The following ZNF224 variants were observed in gnomAD, a reference collection of about 807,000 sequenced individuals.
ZNF224 encodes the protein bone marrow zinc finger 2.
ZNF224 carries 8 observed loss-of-function variants against 10.5 expected under a neutral mutation model. The observed-to-expected ratio is 0.76, with a 90% CI of 0.45 to 1.37. The LOEUF is 1.37. Ranked by LOEUF, ZNF224 falls within the 40% of genes most tolerant of loss-of-function variation. ZNF224 has a pLI of 0.00. For synonymous variants in ZNF224, 282 were observed against 287.8 expected, an observed-to-expected ratio of 0.98 and a Z score of 0.20; for missense variants, 754 against 854.0, an observed-to-expected ratio of 0.88 and a Z score of 1.46.
In ZNF224 at chr19:44,107,522, A is replaced by C; in HGVS notation, c.1362A>C (p.Lys454Asn). Residue 454 changes from lysine to asparagine, a missense_variant, in exon 6 of 6, where the codon AAA becomes AAC. Transcript: ENST00000693561. ...DFHQRVHTGE[K>N]LYNCKECGKS... Reference sequence around the variant, plus strand: ...ACCAGCGCGTCCATACAGGAGAGAAACTGTATAATTGTAAGGAATGTGGGA... The same window carrying C: ...ACCAGCGCGTCCATACAGGAGAGAACCTGTATAATTGTAAGGAATGTGGGA... 1 of 1,610,134 alleles carries C rather than the reference A, an allele frequency of 6.2e-7. No homozygotes were observed. The highest frequency in any genetic ancestry group is 8.5e-7 in the Non-Finnish European group (1 of 1,178,468).
At position 44,094,508 on chromosome 19, in the gene ZNF224, AG is replaced by A. The variant is rs1967399108; in HGVS notation, c.-176del. ...GAACTGGTGATCGAATTAGGGGAAA[AG>A]GGGCCTCGTCGGAGAGTAGAGGTTT... On this transcript the variant is annotated 5_prime_UTR_variant, in exon 1 of 6. Coordinates refer to ENST00000693561, the MANE Select transcript of ZNF224 (RefSeq NM_001321645.3). 6.6e-6 allele frequency: 1 copy of A among 152,360 alleles called. No individual in the cohort carries two copies. The highest frequency in any genetic ancestry group is 2.4e-5 in the African/African-American group (1 of 41,416). 9.4% of individuals were successfully genotyped at this position (152,360 alleles called of 1,614,324 possible).
At position 44,108,879 on chromosome 19, in the gene ZNF224, C is replaced by A; in HGVS notation, c.*595C>A. 3.1e-6 allele frequency: 1 copy of A among 321,252 alleles called. No homozygotes were observed. The highest frequency in any genetic ancestry group is 2.5e-5 in the South Asian group (1 of 40,124). 19.9% of individuals were successfully genotyped at this position (321,252 alleles called of 1,614,324 possible). On this transcript the variant is annotated 3_prime_UTR_variant, in exon 6 of 6. Coordinates refer to ENST00000693561, the MANE Select transcript of ZNF224 (RefSeq NM_001321645.3). ...CATGAGTTGAAATGCAGAGTAAACTCAGTACTGCAATCCATAGCAATATTT... is the reference window on the plus strand; with the variant it reads ...CATGAGTTGAAATGCAGAGTAAACTAAGTACTGCAATCCATAGCAATATTT...
In ZNF224 at chr19:44,107,992, G is replaced by A. The variant is rs771464837; in HGVS notation, c.1832G>A (p.Arg611His). ...CGKGFSWSST[R>H]LTHQRRHSRE... ...AAGGGCTTCAGCTGGTCCTCAACTC[G>A]TCTGACCCATCAGAGACGCCACAGC... The change falls in exon 6 of 6, where the codon CGT becomes CAT. Residue 611 changes from arginine (R) to histidine (H), a missense_variant. Physicochemically the swap from Arg to His is conservative, Grantham distance 29. Transcript: ENST00000693561. The A allele has an allele frequency of 5.0e-6, 8 of 1,614,048 alleles. No homozygotes were observed. Among genetic ancestry groups the A allele is most frequent in the Admixed American group, 3.3e-5 (2 of 60,024 alleles).
At chr19:44,095,596 G>A (rs1286216174) in intron 1 of ZNF224, 1 of 152,186 alleles carries the variant, frequency 6.6e-6, no homozygotes, top group Non-Finnish European at 1.5e-5. Context: ...ATAGAACCAT[G>A]TCATTGTACA....
chr19:44,108,066 A>G lies in ZNF224; in HGVS notation c.1906A>G (p.Asn636Asp), dbSNP rs1252524881. 3.7e-6 allele frequency: 6 copies of G among 1,612,144 alleles called. No individual in the cohort carries two copies. The highest frequency in any genetic ancestry group is 4.2e-6 in the Non-Finnish European group (5 of 1,178,586). The change falls in exon 6 of 6, where the codon AAT becomes GAT. Residue 636 changes from asparagine to aspartate, a missense_variant. By Grantham distance (23) the Asn-to-Asp change is conservative. Coordinates refer to ENST00000693561, the MANE Select transcript of ZNF224 (RefSeq NM_001321645.3). The stretch of plus-strand genomic sequence containing the variant: ...GCAGCATGGGAAGAACATTGTACAG[A>G]ATTCATTCTCTAAAGTGCAAGAAAA... ...CEQHGKNIVQ[N>D]SFSKVQEKVH...
chr19:44,106,324 C>G (rs1450658085), intron 5 of ZNF224, 72 bp from the exon 6 acceptor site: 1 of 1,501,156 alleles, frequency 6.7e-7, no homozygotes, highest in African/African-American at 1.4e-5. Context: ...CCTGCCATGG[C>G]CTAAGTGAAA....
In ZNF224 at chr19:44,107,076, C is replaced by A. The variant is rs1967688112; in HGVS notation, c.916C>A (p.His306Asn). 6.2e-7 allele frequency: 1 copy of A among 1,600,860 alleles called. No individual in the cohort carries two copies. The highest frequency in any genetic ancestry group is 8.5e-7 in the Non-Finnish European group (1 of 1,172,916). ...CTGTGGTAGATCAAGACTTAATAGG[C>A]ATTCCATGGTTCACACGGCAGAGAA... ...SFCGRSRLNR[H>N]SMVHTAEKPF... The change falls in exon 6 of 6, where the codon CAT becomes AAT. Residue 306 changes from histidine to asparagine, a missense_variant. Coordinates refer to ENST00000693561, the MANE Select transcript of ZNF224 (RefSeq NM_001321645.3).
chr19:44,098,132 ACTT>A (rs1161962930), intron 3 of ZNF224, among the ~76,000 whole-genome samples: 1 of 152,184 alleles, frequency 6.6e-6, no homozygotes, highest in Non-Finnish European at 1.5e-5. Flanking sequence ...TCATTATACT[ACTT>A]CTCTGCTCAC....
intron 5 of ZNF224, 51 bp downstream of exon 5, chr19:44,101,276 C>T: frequency 6.4e-7 from 1 of 1,567,684 alleles, no homozygotes; most frequent in Non-Finnish European, 8.8e-7. Context: ...ACCTGTTTCA[C>T]TTCTGTCCAT....
intron 1 of ZNF224, 82 bp from the exon 2 acceptor site, chr19:44,096,261 G>T (rs1445713567): frequency 1.3e-5 from 2 of 152,068 alleles, no homozygotes; most frequent in Non-Finnish European, 2.9e-5. Context: ...TGCAAAAGTA[G>T]CCTAAGAAAT....
At chr19:44,099,746 G>A (rs1056127574) in intron 3 of ZNF224, among the ~76,000 whole-genome samples, 1 of 151,946 alleles carries the variant, frequency 6.6e-6, no homozygotes, top group Non-Finnish European at 1.5e-5. Flanking sequence ...AAAGTAATGG[G>A]AAAATTGATA....
chr19:44,108,777 G>C lies in ZNF224; in HGVS notation c.*493G>C, dbSNP rs1180147524. The stretch of plus-strand genomic sequence containing the variant: ...TACTTGTTTGTTAAATCAATGAAAG[G>C]ATAAAACATATGTATGGATTTGGAT... On this transcript the variant is annotated 3_prime_UTR_variant, in exon 6 of 6. Coordinates refer to ENST00000693561, the MANE Select transcript of ZNF224 (RefSeq NM_001321645.3). The C allele has an allele frequency of 2.0e-6, 1 of 508,668 alleles. No homozygotes were observed. Among genetic ancestry groups the C allele is most frequent in the Non-Finnish European group, 4.0e-6 (1 of 252,304 alleles). 31.5% of individuals were successfully genotyped at this position (508,668 alleles called of 1,614,324 possible). A position where few individuals can be genotyped will look rare whatever the true frequency, so the allele number is the denominator to read the frequency against.
chr19:44,107,750 C>T lies in ZNF224; in HGVS notation c.1590C>T (p.His530=). Residue 530 remains histidine, a synonymous_variant, in exon 6 of 6, where the codon CAC becomes CAT. Transcript: ENST00000693561. ...GYNSKFNLDM[H]QKVHTGERPY... ...ATAGTAAGTTTAATCTTGATATGCA[C>T]CAGAAGGTCCACACAGGAGAGAGAC... 1 of 1,609,492 alleles carries T rather than the reference C, an allele frequency of 6.2e-7. No individual in the cohort carries two copies. The highest frequency in any genetic ancestry group is 8.5e-7 in the Non-Finnish European group (1 of 1,178,616).
In ZNF224 at chr19:44,106,625, A is replaced by G. The variant is rs138197368; in HGVS notation, c.465A>G (p.Pro155=). 2 of 1,599,086 alleles carry G rather than the reference A, an allele frequency of 1.3e-6. No homozygotes were observed. Among genetic ancestry groups the G allele is most frequent in the African/African-American group, 1.3e-5 (1 of 74,612 alleles). ...CTTCCCAGGGCAATGGATATAAACC[A>G]TCCTTCAGTGATGTCTCCCACTTTG... The part of the protein sequence containing the change: ...QKSSQGNGYK[P]SFSDVSHFDF... Residue 155 remains proline, a synonymous_variant, in exon 6 of 6, where the codon CCA becomes CCG. Transcript: ENST00000693561.
chr19:44,097,259 T>C (rs752240911), intron 2 of ZNF224, among the ~76,000 whole-genome samples: 97 of 152,330 alleles, frequency 6.4e-4, no homozygotes, highest in Non-Finnish European at 1.1e-3. Flanking sequence ...TTAACAATTA[T>C]TTTTTCCAAC....
At position 44,107,222 on chromosome 19, in the gene ZNF224, T is replaced by C; in HGVS notation, c.1062T>C (p.Ile354=). Reference sequence around the variant, plus strand: ...GTGAGGAGTGTGGAAAAGGCTTTATTTGTAGGCGAGATCTTTATACGCATC... The same window carrying C: ...GTGAGGAGTGTGGAAAAGGCTTTATCTGTAGGCGAGATCTTTATACGCATC... The part of the protein sequence containing the change: ...YKCEECGKGF[I]CRRDLYTHHM... The change falls in exon 6 of 6, where the codon ATT becomes ATC. Residue 354 remains isoleucine (I), a synonymous_variant. Coordinates refer to ENST00000693561, the MANE Select transcript of ZNF224 (RefSeq NM_001321645.3). 6.2e-7 allele frequency: 1 copy of C among 1,601,596 alleles called. No homozygotes were observed. The highest frequency in any genetic ancestry group is 8.5e-7 in the Non-Finnish European group (1 of 1,173,584).
chr19:44,108,598 A>G lies in ZNF224; in HGVS notation c.*314A>G, dbSNP rs1234830576. 2.2e-6 allele frequency: 1 copy of G among 457,348 alleles called. No individual in the cohort carries two copies. The highest frequency in any genetic ancestry group is 2.0e-5 in the African/African-American group (1 of 50,774). 28.3% of individuals were successfully genotyped at this position (457,348 alleles called of 1,614,324 possible). A position where few individuals can be genotyped will look rare whatever the true frequency, so the allele number is the denominator to read the frequency against. ...AGTTTGATAATTACAGCTATCATTC[A>G]GGAGACAGGCCTTAGAAAGAGTAAG... On this transcript the variant is annotated 3_prime_UTR_variant, in exon 6 of 6. Coordinates refer to ENST00000693561, the MANE Select transcript of ZNF224 (RefSeq NM_001321645.3).
At position 44,106,578 on chromosome 19, in the gene ZNF224, G is replaced by C. The variant is rs1348436133; in HGVS notation, c.418G>C (p.Val140Leu). The change falls in exon 6 of 6, where the codon GTA (valine) becomes CTA (leucine). Residue 140 changes from valine to leucine, a missense_variant. Transcript: ENST00000693561. ...FPCQTEAGLS[V>L]IHTRQKSSQG... The stretch of plus-strand genomic sequence containing the variant: ...CTGCCAGACTGAGGCAGGACTATCT[G>C]TAATTCACACAAGACAGAAATCTTC... 1.9e-6 allele frequency: 3 copies of C among 1,612,850 alleles called. No individual in the cohort carries two copies. The highest frequency in any genetic ancestry group is 2.5e-6 in the Non-Finnish European group (3 of 1,179,254).
chr19:44,107,616 T>C lies in ZNF224; in HGVS notation c.1456T>C (p.Cys486Arg), dbSNP rs1350145154. Residue 486 changes from cysteine to arginine, a missense_variant, in exon 6 of 6, where the codon TGT becomes CGT. Transcript: ENST00000693561. The part of the protein sequence containing the change: ...RLHSGEKPFQ[C>R]EECGKRFTQN... Reference sequence around the variant, plus strand: ...CCACAGTGGAGAAAAACCATTCCAATGTGAAGAGTGTGGGAAGAGATTTAC... The same window carrying C: ...CCACAGTGGAGAAAAACCATTCCAACGTGAAGAGTGTGGGAAGAGATTTAC... 5 of 1,613,964 alleles carry C rather than the reference T, an allele frequency of 3.1e-6. No homozygotes were observed. The highest frequency in any genetic ancestry group is 3.3e-5 in the Admixed American group (2 of 60,010).
Sources: allele counts gnomAD v4.1 joint callset (sites outside exome capture counted in the v4.1 genomes callset), GRCh38; gene constraint gnomAD v4.1.1; transcripts MANE v1.5; gene names NCBI Gene and HGNC (gene_info 2026-07-23, HGNC 2026-07-21).